The following ZNF90 variants were observed in gnomAD, a reference collection of about 807,000 sequenced individuals.
ZNF90 encodes the protein zinc finger protein 90, also known as zinc finger protein HTF9.
ZNF90 carries 11 observed loss-of-function variants against 12.0 expected under a neutral mutation model. The ratio of observed to expected loss-of-function variants is 0.92; its 90% confidence interval spans 0.58 to 1.52. The LOEUF (loss-of-function observed/expected upper bound fraction) is 1.52. Among genes scored for constraint, ZNF90 ranks in the 40% most tolerant of loss-of-function variants. ZNF90 has a pLI of 0.00. For missense variants in ZNF90, 765 were observed against 711.5 expected, an observed-to-expected ratio of 1.08 and a Z score of -0.86; for synonymous variants, 232 against 240.1, an observed-to-expected ratio of 0.97 and a Z score of 0.31.
intron 1 of ZNF90, among the ~76,000 whole-genome samples, chr19:20,078,897 C>T (rs1049132414): frequency 6.6e-6 from 1 of 152,048 alleles, no homozygotes; most frequent in Non-Finnish European, 1.5e-5. Context: ...CCGAGGCGGG[C>T]GGATCACGTG....
At chr19:20,083,073 CCCTATTGTCCTG>C (rs1187363116) in intron 1 of ZNF90, among the ~76,000 whole-genome samples, 1 of 152,152 alleles carries the variant, frequency 6.6e-6, no homozygotes, top group South Asian at 2.1e-4. Context: ...CCCGCTATTA[CCCTATTGTCCTG>C]CCACATCTCC....
intron 3 of ZNF90, among the ~76,000 whole-genome samples, chr19:20,107,559 C>A (rs2089050719): frequency 6.6e-6 from 1 of 152,168 alleles, no homozygotes; most frequent in Admixed American, 6.5e-5. Context: ...AGTTCTGTAA[C>A]CTTAATGTTC....
chr19:20,099,654 C>T (rs1555703653), intron 1 of ZNF90, among the ~76,000 whole-genome samples: 1 of 152,228 alleles, frequency 6.6e-6, no homozygotes, highest in African/African-American at 2.4e-5. Flanking sequence ...TTCTCCCAGC[C>T]ACTAAGTTGT....
chr19:20,089,502 G>C (rs1055343471), intron 1 of ZNF90, among the ~76,000 whole-genome samples: 2 of 152,178 alleles, frequency 1.3e-5, no homozygotes, highest in African/African-American at 2.4e-5. Flanking sequence ...AAGGAACATC[G>C]AGAAGGTAAA....
chr19:20,096,619 C>T (rs1231720588), intron 1 of ZNF90, among the ~76,000 whole-genome samples: 1 of 152,102 alleles, frequency 6.6e-6, no homozygotes, highest in African/African-American at 2.4e-5. Flanking sequence ...TCAGTTAAGG[C>T]AAGGACTGGC....
chr19:20,104,472 G>T (rs929313325), intron 2 of ZNF90, 107 bp downstream of exon 2: 5 of 1,269,574 alleles, frequency 3.9e-6, no homozygotes, highest in Non-Finnish European at 3.1e-6. Flanking sequence ...GAGAGTTTTA[G>T]ATCCCCCTTT....
Position 20,078,016 on chromosome 19 carries a change from C to T in ZNF90, c.-117C>T. On this transcript the variant is annotated 5_prime_UTR_variant, in exon 1 of 4. Transcript: ENST00000418063. ...TGGCGCGGCCATTTGTCTCTTGCTG[C>T]AGCTGGTGCTCCAAATCTGGTCTTA... 7.4e-7 allele frequency: 1 copy of T among 1,347,606 alleles called. No individual in the cohort carries two copies. Among genetic ancestry groups the T allele is most frequent in the Non-Finnish European group, 1.1e-6 (1 of 939,024 alleles). 83.5% of individuals were successfully genotyped at this position (1,347,606 alleles called of 1,614,324 possible). A position where few individuals can be genotyped will look rare whatever the true frequency, so the allele number is the denominator to read the frequency against.
At position 20,119,384 on chromosome 19, in the gene ZNF90, CATAAG is replaced by C. The variant is rs1555706327; in HGVS notation, c.*29_*33del. 10 of 1,541,302 alleles carry C rather than the reference CATAAG, an allele frequency of 6.5e-6. No individual in the cohort carries two copies. The highest frequency in any genetic ancestry group is 4.8e-5 in the East Asian group (2 of 41,828). ...GAAATATTCCTCAACCCTTAATAAACATAAGATAATTCATACTGGAGAGAAACCGT... is the reference window on the plus strand; with the variant it reads ...GAAATATTCCTCAACCCTTAATAAACATAATTCATACTGGAGAGAAACCGT... On this transcript the variant is annotated 3_prime_UTR_variant, in exon 4 of 4. Coordinates refer to ENST00000418063, the MANE Select transcript of ZNF90 (RefSeq NM_007138.2).
rs782612514 is a variant in ZNF90, at chr19:20,117,921, G to T, written c.367G>T (p.Gly123Cys). The change falls in exon 4 of 4, where the codon GGT becomes TGT. Residue 123 changes from glycine (G) to cysteine (C), a missense_variant. Transcript: ENST00000418063. ...AAAAGGTTGTGAAAGTGTGGATGAG[G>T]GTAAAGTACACAAAAGAGGTTATAA... ...LKKGCESVDE[G>C]KVHKRGYNGL... is the part of the protein sequence containing the mutation. 2 of 1,613,038 alleles carry T rather than the reference G, an allele frequency of 1.2e-6. No homozygotes were observed. The highest frequency in any genetic ancestry group is 1.7e-6 in the Non-Finnish European group (2 of 1,179,710).
intron 3 of ZNF90, among the ~76,000 whole-genome samples, chr19:20,117,381 T>C (rs1555705787): frequency 6.9e-6 from 1 of 144,838 alleles, no homozygotes; most frequent in East Asian, 2.3e-4. Flanking sequence ...TTTTTTCCTT[T>C]CTTTTCTTTT....
intron 1 of ZNF90, chr19:20,080,346 G>A: frequency 2.1e-6 from 1 of 478,932 alleles, no homozygotes. Context: ...AGCCACAGGA[G>A]AAATTCCCCC....
chr19:20,094,936 C>G (rs939388501), intron 1 of ZNF90, among the ~76,000 whole-genome samples: 1 of 151,914 alleles, frequency 6.6e-6, no homozygotes, highest in African/African-American at 2.4e-5. Context: ...AAGAGCTAGT[C>G]GCGGAACTAA....
chr19:20,083,516 A>G (rs113412722), intron 1 of ZNF90, among the ~76,000 whole-genome samples: 2,887 of 151,978 alleles, frequency 0.019, 94 homozygotes, highest in African/African-American at 0.066. Flanking sequence ...TAGTAGCAAC[A>G]GGGTTTCTCC....
intron 3 of ZNF90, among the ~76,000 whole-genome samples, chr19:20,116,960 A>G (rs1308334389): frequency 4.1e-5 from 6 of 145,732 alleles, no homozygotes; most frequent in African/African-American, 1.6e-4. Context: ...ATAAAGATGT[A>G]TGTGCCAATG....
At chr19:20,095,171 G>A (rs2088933547) in intron 1 of ZNF90, among the ~76,000 whole-genome samples, 1 of 152,078 alleles carries the variant, frequency 6.6e-6, no homozygotes, top group South Asian at 2.1e-4. Context: ...GAGGATCTGG[G>A]AGGAATCGCA....
chr19:20,119,082 A>G lies in ZNF90; in HGVS notation c.1528A>G (p.Lys510Glu). 1 of 1,612,590 alleles carries G rather than the reference A, an allele frequency of 6.2e-7. No homozygotes were observed. The highest frequency in any genetic ancestry group is 1.3e-5 in the African/African-American group (1 of 74,948). Residue 510 changes from lysine (K) to glutamate (E), a missense_variant, in exon 4 of 4, where the codon AAA (lysine) becomes GAA (glutamate). Transcript: ENST00000418063. ...KIIHSGENPY[K>E]CEECGKAFKR... ...AATTCACAGTGGAGAGAATCCCTAC[A>G]AATGTGAAGAATGTGGCAAAGCCTT...
intron 3 of ZNF90, among the ~76,000 whole-genome samples, chr19:20,108,872 G>A (rs536729880): frequency 1.4e-4 from 21 of 151,486 alleles, no homozygotes; most frequent in African/African-American, 4.6e-4. Context: ...GACTACAGGC[G>A]TGCCACCACA....
At chr19:20,110,339 T>C (rs184527457) in intron 3 of ZNF90, among the ~76,000 whole-genome samples, 5 of 152,012 alleles carry the variant, frequency 3.3e-5, no homozygotes, top group East Asian at 1.9e-4. Context: ...AGTGCAGTGG[T>C]GTGATCTTGG....
intron 1 of ZNF90, among the ~76,000 whole-genome samples, chr19:20,081,579 A>G (rs1278345076): frequency 6.6e-6 from 1 of 152,206 alleles, no homozygotes; most frequent in Non-Finnish European, 1.5e-5. Flanking sequence ...AATCTGCAGC[A>G]GCAACCTATT....
Sources: allele counts gnomAD v4.1 joint callset (sites outside exome capture counted in the v4.1 genomes callset), GRCh38; gene constraint gnomAD v4.1.1; transcripts MANE v1.5; gene names NCBI Gene and HGNC (gene_info 2026-07-23, HGNC 2026-07-21).